The following SGPP2 variants were observed in gnomAD, a reference collection of about 807,000 sequenced individuals.
The protein encoded by SGPP2 is sphingosine-1-phosphate phosphatase 2.
In SGPP2, 30 loss-of-function variants were observed where a neutral mutation model predicts 33.9. That is an observed-to-expected ratio of 0.89 (90% confidence interval 0.66 to 1.20). The LOEUF is 1.20. Among genes scored for constraint, SGPP2 ranks in the 50% most tolerant of loss-of-function variants. The probability of loss-of-function intolerance (pLI) is 0.00; values close to 1 mark genes in which losing one functional copy is unlikely to be tolerated. For missense variants in SGPP2, 458 were observed against 532.1 expected, an observed-to-expected ratio of 0.86 and a Z score of 1.37; for synonymous variants, 233 against 225.0, an observed-to-expected ratio of 1.04 and a Z score of -0.32.
At chr2:222,431,144 T>C (rs770327640) in intron 1 of SGPP2, among the ~76,000 whole-genome samples, 54 of 151,676 alleles carry the variant, frequency 3.6e-4, no homozygotes, top group Non-Finnish European at 5.2e-4. Context: ...TATATGGGAA[T>C]TGTGTATTAT....
chr2:222,435,317 A>G (rs1424253301), intron 1 of SGPP2, among the ~76,000 whole-genome samples: 1 of 152,110 alleles, frequency 6.6e-6, no homozygotes, highest in Non-Finnish European at 1.5e-5. Flanking sequence ...CTGAGGTGGC[A>G]GCTGATTAGA....
intron 2 of SGPP2, among the ~76,000 whole-genome samples, chr2:222,478,555 A>G (rs1001735768): frequency 1.3e-5 from 2 of 152,194 alleles, no homozygotes; most frequent in Non-Finnish European, 2.9e-5. Flanking sequence ...TCAAAGGGGT[A>G]GGGATTAAGA....
At chr2:222,470,628 G>A (rs1697824430) in intron 1 of SGPP2, among the ~76,000 whole-genome samples, 1 of 144,980 alleles carries the variant, frequency 6.9e-6, no homozygotes, top group South Asian at 2.1e-4. Flanking sequence ...TAGGTCTCAG[G>A]TCGGTCTCTA....
chr2:222,527,016 G>A (rs116378163), intron 4 of SGPP2, among the ~76,000 whole-genome samples: 1,768 of 152,198 alleles, frequency 0.012, 39 homozygotes, highest in African/African-American at 0.04. Context: ...TCGAGAACTC[G>A]GGTTAAAGTT....
At chr2:222,453,010 T>C (rs1697515919) in intron 1 of SGPP2, 6 of 1,583,334 alleles carry the variant, frequency 3.8e-6, no homozygotes, top group African/African-American at 1.3e-5. Context: ...AACACAGTTC[T>C]GGTCTTCTGT....
intron 2 of SGPP2, among the ~76,000 whole-genome samples, chr2:222,483,989 G>T (rs2106104561): frequency 6.6e-6 from 1 of 152,290 alleles, no homozygotes; most frequent in East Asian, 1.9e-4. Flanking sequence ...TAGTCCCTCT[G>T]AAGTGGAATC....
chr2:222,461,186 T>C (rs1232226803), intron 1 of SGPP2, among the ~76,000 whole-genome samples: 1 of 152,246 alleles, frequency 6.6e-6, no homozygotes, highest in Admixed American at 6.5e-5. Context: ...GAACACATGC[T>C]GTGTGCCTGA....
At chr2:222,478,441 G>T (rs1468969088) in intron 2 of SGPP2, among the ~76,000 whole-genome samples, 1 of 152,094 alleles carries the variant, frequency 6.6e-6, no homozygotes, top group Non-Finnish European at 1.5e-5. Flanking sequence ...AGCCTGGGGT[G>T]GTTAAGGGTT....
intron 2 of SGPP2, among the ~76,000 whole-genome samples, chr2:222,499,003 C>T (rs7592922): frequency 0.89 from 135,966 of 152,290 alleles, 61,190 homozygotes; most frequent in East Asian, 1. Flanking sequence ...TCTGAGAAGA[C>T]AGCTAAATTT....
rs180910136 is a variant in SGPP2, at chr2:222,443,823, T to C, written c.219+19002T>C. Among the ~76,000 whole-genome samples, 20 of 152,342 alleles carry C rather than the reference T, an allele frequency of 1.3e-4. No homozygotes were observed. In the East Asian group the frequency reaches 3.7e-3, roughly 28 times the overall value. On this transcript the variant is annotated intron_variant, in intron 1 of 4. Transcript: ENST00000321276. ...GGGGAGGCAGTGTAATAGGCTAAGA[T>C]GGTGCTTGGCTTCTTACACATCTAA...
chr2:222,509,934 A>C (rs764738514), intron 2 of SGPP2, among the ~76,000 whole-genome samples: 3 of 152,166 alleles, frequency 2.0e-5, no homozygotes, highest in Non-Finnish European at 4.4e-5. Context: ...TTTACTTTCT[A>C]TCTCTATGGA....
intron 1 of SGPP2, among the ~76,000 whole-genome samples, chr2:222,437,568 G>A (rs538114185): frequency 1.3e-5 from 2 of 152,240 alleles, no homozygotes; most frequent in South Asian, 4.2e-4. Context: ...GGAGACCATG[G>A]GCATTTGAGC....
At chr2:222,507,715 T>C (rs1454419394) in intron 2 of SGPP2, among the ~76,000 whole-genome samples, 1 of 152,194 alleles carries the variant, frequency 6.6e-6, no homozygotes, top group Non-Finnish European at 1.5e-5. Flanking sequence ...TCAGTTCTAA[T>C]CCCCTTGTGA....
chr2:222,509,150 T>C (rs940204964), intron 2 of SGPP2, among the ~76,000 whole-genome samples: 2 of 152,082 alleles, frequency 1.3e-5, no homozygotes, highest in Non-Finnish European at 1.5e-5. Flanking sequence ...AGACTGAACA[T>C]TGAATAGACA....
intron 2 of SGPP2, among the ~76,000 whole-genome samples, chr2:222,501,666 G>A (rs1385160763): frequency 6.6e-6 from 1 of 152,118 alleles, no homozygotes; most frequent in Non-Finnish European, 1.5e-5. Context: ...AGGTGAGTGA[G>A]GTGCGTTCAC....
chr2:222,547,467 A>G (rs1476753403), intron 4 of SGPP2, among the ~76,000 whole-genome samples: 1 of 152,186 alleles, frequency 6.6e-6, no homozygotes, highest in Admixed American at 6.5e-5. Context: ...CTCTGTTTGG[A>G]CTTGTTAGAT....
At chr2:222,533,396 G>A (rs1413855440) in intron 4 of SGPP2, among the ~76,000 whole-genome samples, 2 of 152,180 alleles carry the variant, frequency 1.3e-5, no homozygotes, top group Non-Finnish European at 2.9e-5. Context: ...TTGGCAGGGG[G>A]ACAGGTCGCA....
chr2:222,427,971 A>G (rs1697097137), intron 1 of SGPP2, among the ~76,000 whole-genome samples: 1 of 152,182 alleles, frequency 6.6e-6, no homozygotes, highest in African/African-American at 2.4e-5. Context: ...CATGAATTTC[A>G]CAGAAAGTCT....
chr2:222,495,520 G>A (rs938053578), intron 2 of SGPP2, among the ~76,000 whole-genome samples: 9 of 152,088 alleles, frequency 5.9e-5, no homozygotes, highest in African/African-American at 1.9e-4. Flanking sequence ...AGATCTCTTG[G>A]CTTAAAAATG....
Sources: gnomAD v4.1 joint callset for allele counts (sites outside exome capture counted in the v4.1 genomes callset) on GRCh38, gnomAD v4.1.1 for gene constraint, MANE v1.5 for transcripts, NCBI Gene and HGNC (gene_info 2026-07-23, HGNC 2026-07-21) for gene names.